The following PRKAA2 variants were observed in gnomAD, a reference collection of about 807,000 sequenced individuals.
PRKAA2 encodes protein kinase AMP-activated catalytic subunit alpha 2.
Under a neutral mutation model 56.3 loss-of-function variants are expected in PRKAA2, and 40 were observed. The ratio of observed to expected loss-of-function variants is 0.71; its 90% CI spans 0.55 to 0.92. PRKAA2 has a LOEUF of 0.92. Ranked by LOEUF, PRKAA2 falls within the 40% of genes least tolerant of loss-of-function variation. PRKAA2 has a pLI of 0.00. For missense variants in PRKAA2, 542 were observed against 686.9 expected (o/e 0.79, Z 2.36); for synonymous variants, 214 against 234.2 (o/e 0.91, Z 0.79).
intron 3 of PRKAA2, among the ~76,000 whole-genome samples, 181 bp downstream of exon 3, chr1:56,691,668 T>G (rs1644229137): frequency 6.6e-6 from 1 of 152,214 alleles, no homozygotes; most frequent in East Asian, 1.9e-4. Flanking sequence ...GAAATACTGA[T>G]TTTAGAAAAT....
chr1:56,665,077 C>CTT (rs76211899), intron 1 of PRKAA2, among the ~76,000 whole-genome samples: 4 of 138,914 alleles, frequency 2.9e-5, no homozygotes, highest in South Asian at 2.3e-4. Flanking sequence ...TAGTTCCTAT[C>CTT]TTTTTTTTTT....
chr1:56,697,238 G>A (rs571239145), intron 6 of PRKAA2, among the ~76,000 whole-genome samples: 102 of 151,670 alleles, frequency 6.7e-4, no homozygotes, highest in African/African-American at 2.4e-3. Context: ...TGCCCAGGCT[G>A]GTCTTGAACT....
At chr1:56,695,759 G>A (rs1417917145) in intron 5 of PRKAA2, among the ~76,000 whole-genome samples, 176 bp from the exon 6 acceptor site, 2 of 152,010 alleles carry the variant, frequency 1.3e-5, no homozygotes, top group African/African-American at 2.4e-5. Context: ...TAGTTGGCTA[G>A]CCCCATTACT....
rs1644370459 is a variant in PRKAA2, at chr1:56,711,848, A to G, written c.*4135A>G. The G allele has an allele frequency of 6.6e-6, 1 of 152,038 alleles. No homozygotes were observed. Among genetic ancestry groups the G allele is most frequent in the South Asian group, 2.1e-4 (1 of 4,828 alleles). 9.4% of individuals were successfully genotyped at this position (152,038 alleles called of 1,614,324 possible). On this transcript the variant is annotated 3_prime_UTR_variant, in exon 9 of 9. Coordinates refer to ENST00000371244, the MANE Select transcript of PRKAA2 (RefSeq NM_006252.4). ...TGATTTGTGTTAGTGTTCACTTTTT[A>G]TATATTTAGAGTTTTTATATGAGTG...
rs111319634 is a variant in PRKAA2 at position 56,661,367 on chromosome 1, A to T, written c.95-13014A>T. 3.1e-3 allele frequency among the ~76,000 whole-genome samples: 474 copies of T among 151,818 alleles called. 2 individuals carry two copies. Among genetic ancestry groups the T allele is most frequent in the African/African-American group, 0.011 (436 of 41,398 alleles). On this transcript the variant is annotated intron_variant, in intron 1 of 8. Transcript: ENST00000371244. ...TGTGTCCCATATCCCCTTGTTTCCA[A>T]CCTCCACCCCACCAATGGGAACCAC...
chr1:56,678,358 T>A (rs953220194), intron 2 of PRKAA2, among the ~76,000 whole-genome samples: 7 of 152,224 alleles, frequency 4.6e-5, no homozygotes, highest in Non-Finnish European at 1.0e-4. Context: ...TTGTGTAGCC[T>A]TGGACTGTCA....
rs562203565 is a variant in PRKAA2 at position 56,695,831 on chromosome 1, A to G, written c.564-104A>G. On this transcript the variant is annotated intron_variant, in intron 5 of 8. Coordinates refer to ENST00000371244, the MANE Select transcript of PRKAA2 (RefSeq NM_006252.4). The stretch of plus-strand genomic sequence containing the variant: ...CCATGGACTTCATTAAAGACCTTGG[A>G]AATGAATATGTACTGAATGTAGACT... 31 of 986,348 alleles carry G rather than the reference A, an allele frequency of 3.1e-5. No homozygotes were observed. The East Asian group carries it at 7.4e-4, about 24-fold the overall frequency. 61.1% of individuals were successfully genotyped at this position (986,348 alleles called of 1,614,324 possible).
intron 2 of PRKAA2, among the ~76,000 whole-genome samples, chr1:56,685,624 A>G (rs956309330): frequency 4.6e-5 from 7 of 152,230 alleles, no homozygotes; most frequent in Admixed American, 1.3e-4. Context: ...AGTCTTTCAA[A>G]TGAAAACAAA....
At chr1:56,661,236 G>A (rs900520437) in intron 1 of PRKAA2, among the ~76,000 whole-genome samples, 15 of 152,054 alleles carry the variant, frequency 9.9e-5, no homozygotes, top group Non-Finnish European at 1.9e-4. Context: ...GAGTATACTG[G>A]CATCTTTTAC....
intron 1 of PRKAA2, among the ~76,000 whole-genome samples, chr1:56,647,303 G>A (rs769070263): frequency 3.0e-4 from 45 of 152,154 alleles, no homozygotes; most frequent in African/African-American, 3.6e-4. Flanking sequence ...AGCAAACAGC[G>A]CCTTTGACAT....
intron 1 of PRKAA2, among the ~76,000 whole-genome samples, chr1:56,661,091 A>G (rs1332793516): frequency 6.6e-6 from 1 of 152,118 alleles, no homozygotes; most frequent in East Asian, 1.9e-4. Flanking sequence ...GGCTTTTGAC[A>G]TGAATGAGTT....
intron 6 of PRKAA2, among the ~76,000 whole-genome samples, chr1:56,700,933 G>C (rs1325882408): frequency 6.6e-6 from 1 of 152,008 alleles, no homozygotes; most frequent in Non-Finnish European, 1.5e-5. Context: ...GCGGACTTAG[G>C]GCAACTTAAA....
intron 4 of PRKAA2, among the ~76,000 whole-genome samples, chr1:56,693,286 A>G (rs1208737601): frequency 5.3e-5 from 8 of 152,132 alleles, no homozygotes; most frequent in African/African-American, 1.9e-4. Flanking sequence ...TATTTTTTCC[A>G]TGTTGAATTA....
At chr1:56,660,738 T>A (rs1402377938) in intron 1 of PRKAA2, among the ~76,000 whole-genome samples, 1 of 152,236 alleles carries the variant, frequency 6.6e-6, no homozygotes, top group East Asian at 1.9e-4. Context: ...CACCAATTTC[T>A]AATTTCCAGT....
intron 1 of PRKAA2, among the ~76,000 whole-genome samples, chr1:56,660,797 T>C (rs917944530): frequency 2.6e-5 from 4 of 152,178 alleles, no homozygotes; most frequent in African/African-American, 9.7e-5. Flanking sequence ...GTGGGAGTTT[T>C]GGGAATTAAA....
chr1:56,654,645 A>G (rs1254155211), intron 1 of PRKAA2, among the ~76,000 whole-genome samples: 1 of 152,184 alleles, frequency 6.6e-6, no homozygotes, highest in African/African-American at 2.4e-5. Flanking sequence ...TGAAATGCGT[A>G]TGAAAAGCAA....
chr1:56,672,343 C>T (rs1644083355), intron 1 of PRKAA2, among the ~76,000 whole-genome samples: 1 of 152,168 alleles, frequency 6.6e-6, no homozygotes, highest in Admixed American at 6.5e-5. Flanking sequence ...TCTCGAACTC[C>T]TGGGCTCAAG....
In PRKAA2 at chr1:56,707,625, C is replaced by T. The variant is rs756846399; in HGVS notation, c.1571C>T (p.Thr524Ile). Reference sequence around the variant, plus strand: ...CTCACTGGCTCTTTGACCGGAAGCACATTGTCTTCAGTTTCACCTCGCCTG... The same window carrying T: ...CTCACTGGCTCTTTGACCGGAAGCATATTGTCTTCAGTTTCACCTCGCCTG... ...GSLTGSLTGS[T>I]LSSVSPRLGS... The change falls in exon 9 of 9, where the codon ACA (threonine) becomes ATA (isoleucine). Residue 524 changes from threonine to isoleucine, a missense_variant. Physicochemically the swap from Thr to Ile is moderately conservative, Grantham distance 89. Transcript: ENST00000371244. The T allele has an allele frequency of 3.1e-6, 5 of 1,614,076 alleles. No homozygotes were observed. In the South Asian group the frequency reaches 4.4e-5, roughly 14 times the overall value.
At chr1:56,696,388 T>C (rs1233315943) in intron 6 of PRKAA2, among the ~76,000 whole-genome samples, 1 of 152,178 alleles carries the variant, frequency 6.6e-6, no homozygotes, top group Non-Finnish European at 1.5e-5. Flanking sequence ...GTTTCTTTTT[T>C]GACCTGATAG....
Sources: allele counts gnomAD v4.1 joint callset (sites outside exome capture counted in the v4.1 genomes callset), GRCh38; gene constraint gnomAD v4.1.1; transcripts MANE v1.5; gene names NCBI Gene and HGNC (gene_info 2026-07-23, HGNC 2026-07-21).